Variants in CLASP2 observed in about 807,000 individuals in gnomAD.
CLASP2 encodes the protein CLIP-associating protein 2.
Under a neutral mutation model 194.4 loss-of-function variants are expected in CLASP2, and 47 were observed. The ratio of observed to expected loss-of-function variants is 0.24; its 90% CI spans 0.19 to 0.31. CLASP2 has a LOEUF of 0.31. Among genes scored for constraint, CLASP2 ranks in the 10% least tolerant of loss-of-function variants. The probability of loss-of-function intolerance (pLI) is 1.00; values close to 1 mark genes in which losing one functional copy is unlikely to be tolerated. For missense variants in CLASP2, 1,445 were observed against 1,823.6 expected (o/e 0.79, Z 3.78); for synonymous variants, 619 against 633.5 (o/e 0.98, Z 0.34).
chr3:33,663,480 T>G lies in CLASP2; in HGVS notation c.680A>C (p.Gln227Pro). The G allele has an allele frequency of 6.2e-7, 1 of 1,612,716 alleles. No homozygotes were observed. The highest frequency in any genetic ancestry group is 8.5e-7 in the Non-Finnish European group (1 of 1,179,200). ...EMIFAKFDEVQSSGGMILSVC... is the reference protein window; with the variant it reads ...EMIFAKFDEVPSSGGMILSVC... Reference sequence around the variant, plus strand: ...ACTCAAAATCATACCGCCTGAACTTTGCACTTCATCAAATTTGGCAAATAT... The same window carrying G: ...ACTCAAAATCATACCGCCTGAACTTGGCACTTCATCAAATTTGGCAAATAT... The change falls in exon 7 of 39, where the codon CAA (glutamine) becomes CCA (proline). Residue 227 changes from glutamine to proline, a missense_variant. Physicochemically the swap from Gln to Pro is moderately conservative, Grantham distance 76. Transcript: ENST00000682230.
intron 19 of CLASP2, 68 bp downstream of exon 19, chr3:33,596,643 A>G: frequency 1.9e-6 from 2 of 1,050,170 alleles, no homozygotes; most frequent in Non-Finnish European, 2.8e-6. Context: ...AGAAGAATGA[A>G]CAAGGATATT....
intron 9 of CLASP2, among the ~76,000 whole-genome samples, chr3:33,630,557 G>GT (rs964705972): frequency 9.2e-5 from 10 of 108,436 alleles, no homozygotes; most frequent in South Asian, 7.5e-4. Flanking sequence ...TTTAAAGAGC[G>GT]TAAAAAAAAA....
chr3:33,507,745 A>G (rs1177907215), intron 37 of CLASP2, among the ~76,000 whole-genome samples: 3 of 151,814 alleles, frequency 2.0e-5, no homozygotes, highest in Non-Finnish European at 4.4e-5. Context: ...TAGCCTCCCA[A>G]AGTGTTGGGT....
chr3:33,687,253 A>G, intron 4 of CLASP2, 118 bp from the exon 5 acceptor site: 1 of 604,596 alleles, frequency 1.7e-6, no homozygotes, highest in Non-Finnish European at 2.9e-6. Context: ...GGATGGGCAC[A>G]CATCATTAAA....
intron 18 of CLASP2, 159 bp downstream of exon 18, chr3:33,602,793 A>T: frequency 1.3e-6 from 1 of 773,532 alleles, no homozygotes; most frequent in Non-Finnish European, 2.2e-6. Flanking sequence ...AAGGCAGCTC[A>T]GATTCCTCAG....
chr3:33,586,115 G>T (rs895166078), intron 21 of CLASP2, among the ~76,000 whole-genome samples: 4 of 151,998 alleles, frequency 2.6e-5, no homozygotes, highest in Admixed American at 6.6e-5. Context: ...AACATCAAAT[G>T]AATCAGATCC....
intron 36 of CLASP2, among the ~76,000 whole-genome samples, chr3:33,511,624 A>C (rs893798196): frequency 6.6e-6 from 1 of 151,976 alleles, no homozygotes; most frequent in Non-Finnish European, 1.5e-5. Flanking sequence ...AGGGTAAAAC[A>C]CTGGTTTTGT....
At chr3:33,615,264 T>C (rs577218248) in intron 12 of CLASP2, among the ~76,000 whole-genome samples, 33 of 151,638 alleles carry the variant, frequency 2.2e-4, no homozygotes, top group Non-Finnish European at 4.0e-4. Context: ...TTAAATTTAA[T>C]TCAATGGGTA....
chr3:33,672,505 C>G (rs1348181984), intron 6 of CLASP2, among the ~76,000 whole-genome samples: 1 of 152,142 alleles, frequency 6.6e-6, no homozygotes, highest in African/African-American at 2.4e-5. Flanking sequence ...AAAAACAGAG[C>G]AGAAGAACTG....
chr3:33,616,654 ATC>A lies in CLASP2; in HGVS notation c.1317+2947_1317+2948del, dbSNP rs201210874. ...CTATATCCATAGAAACACATTAAAA[ATC>A]ATATTTAATTAACGTTAAATATGAT... On this transcript the variant is annotated intron_variant, in intron 12 of 38. Transcript: ENST00000682230. 4.4e-3 allele frequency among the ~76,000 whole-genome samples: 672 copies of A among 152,118 alleles called. 5 individuals are homozygous for A. Among genetic ancestry groups the A allele is most frequent in the African/African-American group, 0.015 (638 of 41,484 alleles).
intron 12 of CLASP2, among the ~76,000 whole-genome samples, chr3:33,614,816 C>T (rs2154269525): frequency 6.6e-6 from 1 of 152,204 alleles, no homozygotes; most frequent in Admixed American, 6.5e-5. Context: ...CATAGTGAAA[C>T]TTCGCCTCTA....
chr3:33,582,013 T>C, intron 22 of CLASP2, 85 bp from the exon 23 acceptor site: 2 of 823,036 alleles, frequency 2.4e-6, no homozygotes, highest in South Asian at 3.2e-5. Flanking sequence ...TTTTTCTTTC[T>C]TAAAGACTGA....
chr3:33,680,763 G>T (rs1473003904), intron 6 of CLASP2, among the ~76,000 whole-genome samples: 1 of 151,902 alleles, frequency 6.6e-6, no homozygotes, highest in Non-Finnish European at 1.5e-5. Flanking sequence ...GTGAACCGTG[G>T]TCACGCCACT....
At chr3:33,513,544 C>T (rs979846790) in intron 36 of CLASP2, among the ~76,000 whole-genome samples, 9 of 152,096 alleles carry the variant, frequency 5.9e-5, no homozygotes, top group Middle Eastern at 3.4e-3. Flanking sequence ...CAAAAAAACC[C>T]CAAAACCCCT....
At chr3:33,670,102 A>T (rs1289936543) in intron 6 of CLASP2, among the ~76,000 whole-genome samples, 1 of 152,200 alleles carries the variant, frequency 6.6e-6, no homozygotes, top group African/African-American at 2.4e-5. Context: ...ACATACATAT[A>T]CACGCACACA....
chr3:33,538,817 C>T lies in CLASP2; in HGVS notation c.3530G>A (p.Arg1177Lys). Residue 1177 changes from arginine (R) to lysine (K), a missense_variant, in exon 33 of 39, where the codon AGG becomes AAG. By Grantham distance (26) the Arg-to-Lys change is conservative. This residue lies in a region of CLASP2 where 732 missense variants were observed against 987.9 expected (regional missense o/e 0.74). Transcript: ENST00000682230. ...ATCGCCATCATCTTTTTTAGAATCC[C>T]TTTTCAATGGCTCATTCATATCTTC... is the stretch of plus-strand genomic sequence containing the variant. ...SQEDMNEPLKRDSKKDDGDSM... is the reference protein window; with the variant it reads ...SQEDMNEPLKKDSKKDDGDSM... 19 of 1,594,454 alleles carry T rather than the reference C, an allele frequency of 1.2e-5. No homozygotes were observed. The highest frequency in any genetic ancestry group is 1.6e-5 in the Non-Finnish European group (19 of 1,170,798).
chr3:33,547,837 G>A (rs2059393927), intron 30 of CLASP2, among the ~76,000 whole-genome samples: 1 of 146,826 alleles, frequency 6.8e-6, no homozygotes, highest in African/African-American at 2.5e-5. Flanking sequence ...CACTCGGGCT[G>A]GAGTGCAGTG....
At chr3:33,541,202 T>G (rs912647842) in intron 32 of CLASP2, among the ~76,000 whole-genome samples, 33 of 152,156 alleles carry the variant, frequency 2.2e-4, no homozygotes, top group African/African-American at 7.7e-4. Context: ...GTATGTGCAC[T>G]GTAGCACTAT....
chr3:33,691,257 A>C (rs1283729152), intron 2 of CLASP2, among the ~76,000 whole-genome samples: 1 of 152,218 alleles, frequency 6.6e-6, no homozygotes, highest in Non-Finnish European at 1.5e-5. Context: ...GACTAAGTCT[A>C]GTTTAAACAA....
Sources: gnomAD v4.1 joint callset for allele counts (sites outside exome capture counted in the v4.1 genomes callset) on GRCh38, gnomAD v4.1.1 for gene constraint, gnomAD v4.1.1 regional missense constraint, MANE v1.5 for transcripts, NCBI Gene and HGNC (gene_info 2026-07-23, HGNC 2026-07-21) for gene names.